The following GPHN variants were observed in gnomAD, a reference collection of about 807,000 sequenced individuals.
The protein encoded by GPHN is gephyrin.
Under a neutral mutation model 95.5 loss-of-function variants are expected in GPHN, and 17 were observed. That is an observed-to-expected ratio of 0.18 (90% CI 0.12 to 0.27). GPHN has a LOEUF of 0.27. Among genes scored for constraint, GPHN ranks in the 10% least tolerant of loss-of-function variants. The pLI is 1.00. For missense variants in GPHN, 660 were observed against 978.1 expected (o/e 0.67, Z 4.34); for synonymous variants, 320 against 322.5 (o/e 0.99, Z 0.08).
intron 4 of GPHN, among the ~76,000 whole-genome samples, chr14:66,830,901 A>G (rs1228208487): frequency 2.0e-5 from 3 of 152,110 alleles, no homozygotes; most frequent in Non-Finnish European, 4.4e-5. Flanking sequence ...ATTGTTTTAT[A>G]ATCAATTTGT....
chr14:67,228,194 G>A, the GPHN span, among the ~76,000 whole-genome samples: 1 of 150,490 alleles, frequency 6.6e-6, no homozygotes, highest in Non-Finnish European at 1.5e-5. Flanking sequence ...AAGAAATTAA[G>A]TTTAATAATG....
intron 4 of GPHN, among the ~76,000 whole-genome samples, chr14:66,850,758 C>T (rs760004277): frequency 3.9e-5 from 6 of 152,042 alleles, no homozygotes; most frequent in Admixed American, 6.6e-5. Context: ...GACATAATAT[C>T]GAGTACGCAC....
At chr14:67,082,710 C>T (rs1371901617) in intron 11 of GPHN, among the ~76,000 whole-genome samples, 1 of 151,966 alleles carries the variant, frequency 6.6e-6, no homozygotes, top group Admixed American at 6.6e-5. Flanking sequence ...TTGTAGATTG[C>T]TTTGGGTAGT....
intron 12 of GPHN, among the ~76,000 whole-genome samples, chr14:67,096,451 G>C (rs17103943): frequency 6.6e-6 from 1 of 152,062 alleles, no homozygotes; most frequent in African/African-American, 2.4e-5. Context: ...GTGCATGTGT[G>C]GGGGAACAGG....
intron 12 of GPHN, among the ~76,000 whole-genome samples, chr14:67,099,453 A>T (rs1327146870): frequency 6.6e-6 from 1 of 152,138 alleles, no homozygotes; most frequent in Admixed American, 6.5e-5. Context: ...TTAAAAAAAA[A>T]ATAACCCATG....
intron 2 of GPHN, among the ~76,000 whole-genome samples, chr14:66,734,330 C>T (rs1033933053): frequency 6.6e-6 from 1 of 152,086 alleles, no homozygotes; most frequent in Non-Finnish European, 1.5e-5. Context: ...CACTCTCTTC[C>T]TACAAGCTAT....
intron 20 of GPHN, among the ~76,000 whole-genome samples, chr14:67,168,618 A>G (rs1595468301): frequency 6.6e-6 from 1 of 152,216 alleles, no homozygotes; most frequent in South Asian, 2.1e-4. Context: ...TTAAAACAAG[A>G]TTAGTAATGA....
the GPHN span, chr14:67,360,386 A>G: frequency 1.3e-5 from 5 of 396,096 alleles, no homozygotes; most frequent in South Asian, 1.4e-4. Flanking sequence ...GTGAGGGGGA[A>G]GCAAGTCTGG....
the GPHN span, chr14:67,392,869 G>A: frequency 3.8e-6 from 6 of 1,591,362 alleles, no homozygotes; most frequent in Admixed American, 5.1e-5. Flanking sequence ...GGCAGCACCA[G>A]TCAGGCGATG....
the GPHN span, among the ~76,000 whole-genome samples, chr14:67,341,262 T>C: frequency 1.3e-5 from 2 of 150,870 alleles, no homozygotes; most frequent in African/African-American, 4.9e-5. Context: ...TCGTCTGAGA[T>C]GTGGGGAGCG....
chr14:66,736,348 G>A (rs550969524), intron 2 of GPHN, among the ~76,000 whole-genome samples: 10 of 151,430 alleles, frequency 6.6e-5, no homozygotes, highest in Non-Finnish European at 1.2e-4. Context: ...AAGTACTACC[G>A]AGTTAGATTT....
chr14:67,329,755 G>A, the GPHN span, among the ~76,000 whole-genome samples: 1 of 151,974 alleles, frequency 6.6e-6, no homozygotes, highest in Non-Finnish European at 1.5e-5. Flanking sequence ...GGTGGTGCAC[G>A]CCTGTGGTAC....
chr14:67,567,081 C>G, the GPHN span, among the ~76,000 whole-genome samples: 1 of 152,126 alleles, frequency 6.6e-6, no homozygotes, highest in Non-Finnish European at 1.5e-5. Flanking sequence ...GTAACTTGCT[C>G]CTGGGGAAAA....
chr14:67,302,312 G>T, the GPHN span: 17 of 1,092,208 alleles, frequency 1.6e-5, no homozygotes, highest in South Asian at 3.0e-4. Flanking sequence ...ATAACTGAAG[G>T]TTAGTATTGT....
chr14:67,205,013 C>T, the GPHN span: 43 of 1,556,606 alleles, frequency 2.8e-5, 2 homozygotes, highest in African/African-American at 3.7e-4. Flanking sequence ...ACAGACAGCT[C>T]TGATATTACA....
At chr14:66,700,151 T>A (rs980815362) in intron 2 of GPHN, among the ~76,000 whole-genome samples, 6 of 152,300 alleles carry the variant, frequency 3.9e-5, no homozygotes. Context: ...TGTTTTCTAT[T>A]TCTGTAGAGG....
At chr14:66,701,795 A>C (rs1261125478) in intron 2 of GPHN, among the ~76,000 whole-genome samples, 1 of 152,196 alleles carries the variant, frequency 6.6e-6, no homozygotes, top group African/African-American at 2.4e-5. Flanking sequence ...GGGGCGACCA[A>C]CACCACAGCT....
At chr14:67,449,278 T>C in the GPHN span, among the ~76,000 whole-genome samples, 1 of 152,208 alleles carries the variant, frequency 6.6e-6, no homozygotes, top group Non-Finnish European at 1.5e-5. Flanking sequence ...CGAGGCCAAA[T>C]GAGCTCTACT....
chr14:67,340,032 C>CAAAAAAAA, the GPHN span: 1 of 71,686 alleles, frequency 1.4e-5, no homozygotes. Context: ...CTCTGTCTCA[C>CAAAAAAAA]AAAAAAAAAA....
Sources: allele counts gnomAD v4.1 joint callset (sites outside exome capture counted in the v4.1 genomes callset), GRCh38; gene constraint gnomAD v4.1.1; transcripts MANE v1.5; gene names NCBI Gene and HGNC (gene_info 2026-07-23, HGNC 2026-07-21).